The following ANK1 variants were observed in gnomAD, a reference collection of about 807,000 sequenced individuals.
The protein encoded by ANK1 is ankyrin-1.
Under a neutral mutation model 210.4 loss-of-function variants are expected in ANK1, and 51 were observed. That is an observed-to-expected ratio of 0.24 (90% CI 0.19 to 0.31). The LOEUF (loss-of-function observed/expected upper bound fraction) is 0.31, where lower values mean the gene tolerates loss of function less well. ANK1 is among the 10% of genes least tolerant of loss of function. The probability of loss-of-function intolerance (pLI) is 1.00; values close to 1 mark genes in which losing one functional copy is unlikely to be tolerated. For missense variants in ANK1, 2,051 were observed against 2,504.4 expected (o/e 0.82, Z 3.86); for synonymous variants, 967 against 1,025.9 (o/e 0.94, Z 1.10).
intron 1 of ANK1, among the ~76,000 whole-genome samples, chr8:41,814,733 T>A (rs1025199088): frequency 2.0e-5 from 3 of 151,850 alleles, no homozygotes; most frequent in Admixed American, 2.0e-4. Flanking sequence ...CTTATTTTTT[T>A]TTATTATTCA....
At chr8:41,661,275 A>G in intron 42 of ANK1, 155 bp downstream of exon 42, 1 of 1,150,294 alleles carries the variant, frequency 8.7e-7, no homozygotes. Flanking sequence ...AACTGTTAGC[A>G]GGGTTGGGAA....
At chr8:41,815,471 G>C (rs1242471515) in intron 1 of ANK1, among the ~76,000 whole-genome samples, 1 of 151,942 alleles carries the variant, frequency 6.6e-6, no homozygotes, top group Non-Finnish European at 1.5e-5. Flanking sequence ...TGACCCTATA[G>C]GATCCCTCTT....
chr8:41,681,098 C>T (rs1815840409), intron 37 of ANK1, among the ~76,000 whole-genome samples: 1 of 152,224 alleles, frequency 6.6e-6, no homozygotes, highest in Non-Finnish European at 1.5e-5. Context: ...TAATAATCGT[C>T]CTGCTAGCTT....
intron 10 of ANK1, among the ~76,000 whole-genome samples, chr8:41,718,626 T>C (rs1252239820): frequency 6.6e-6 from 1 of 152,218 alleles, no homozygotes; most frequent in Admixed American, 6.5e-5. Flanking sequence ...TGTGATATAC[T>C]CTGAATGTAA....
chr8:41,890,711 AAAAAAAAAAAAAAAG>A (rs1563973180), intron 1 of ANK1, among the ~76,000 whole-genome samples: 1 of 150,478 alleles, frequency 6.6e-6, no homozygotes, highest in Non-Finnish European at 1.5e-5. Context: ...TCCGTCTCAA[AAAAAAAAAAAAAAAG>A]AAAAAAGAAA....
rs6987261 is a variant in ANK1, at chr8:41,690,691, C to T, written c.3859-92G>A. 0.077 allele frequency: 117,470 copies of T among 1,535,100 alleles called. 10,999 individuals carry two copies. The highest frequency in any genetic ancestry group is 0.48 in the African/African-American group (34,887 of 73,220). On this transcript the variant is annotated intron_variant, in intron 31 of 42. Coordinates refer to ENST00000289734, the MANE Select transcript of ANK1 (RefSeq NM_000037.4). Reference sequence around the variant, plus strand: ...CTTCGGTCCTTCCCTCTCCAAGACACACCCTGCCTCAGCAAGAGGCATGCG... The same window carrying T: ...CTTCGGTCCTTCCCTCTCCAAGACATACCCTGCCTCAGCAAGAGGCATGCG...
At chr8:41,821,217 G>A (rs1313401122) in intron 1 of ANK1, among the ~76,000 whole-genome samples, 1 of 152,146 alleles carries the variant, frequency 6.6e-6, no homozygotes, top group Non-Finnish European at 1.5e-5. Flanking sequence ...AATCATGAGA[G>A]ACTTTGTCAA....
chr8:41,790,930 C>T (rs1398163076), intron 1 of ANK1, among the ~76,000 whole-genome samples: 1 of 152,126 alleles, frequency 6.6e-6, no homozygotes, highest in Non-Finnish European at 1.5e-5. Context: ...GCCATTGACT[C>T]CCTTTGGAGA....
At chr8:41,887,630 C>A (rs1470106657) in intron 1 of ANK1, among the ~76,000 whole-genome samples, 5 of 152,166 alleles carry the variant, frequency 3.3e-5, no homozygotes, top group Non-Finnish European at 7.4e-5. Context: ...ACACACATGA[C>A]AAAGATGACC....
At chr8:41,873,766 C>T (rs1816017166) in intron 1 of ANK1, among the ~76,000 whole-genome samples, 1 of 152,228 alleles carries the variant, frequency 6.6e-6, no homozygotes, top group African/African-American at 2.4e-5. Flanking sequence ...AGCACTGGAC[C>T]TCAGAGACCT....
At chr8:41,712,326 G>A (rs77716289) in intron 16 of ANK1, among the ~76,000 whole-genome samples, 6,190 of 152,292 alleles carry the variant, frequency 0.041, 412 homozygotes, top group African/African-American at 0.14. Context: ...GGGAAGCAGC[G>A]ATGTCCACAC....
Position 41,694,016 on chromosome 8 carries a change from G to A in ANK1, c.3414C>T (p.Arg1138=), listed in dbSNP as rs750405054. The change falls in exon 29 of 43, where the codon CGC becomes CGT. Residue 1138 remains arginine (R), a synonymous_variant. Transcript: ENST00000289734. This position sits in a 1 kb window ranked among gnomAD's most constrained non-coding sequence, Gnocchi z 5.7. ...GCCCAATGGGGCGGTGGAACTTCCG[G>A]CGCCGGGGCTCCACGGTGACAATGG... The part of the protein sequence containing the change: ...FSPIVTVEPR[R]RKFHRPIGLR... The A allele has an allele frequency of 6.2e-7, 1 of 1,614,074 alleles. No individual in the cohort carries two copies. The highest frequency in any genetic ancestry group is 1.1e-5 in the South Asian group (1 of 91,064).
intron 1 of ANK1, among the ~76,000 whole-genome samples, chr8:41,761,211 AC>A: frequency 6.6e-6 from 1 of 150,562 alleles, no homozygotes; most frequent in African/African-American, 2.4e-5. Context: ...AGATTCACAC[AC>A]ACACACACAG....
At chr8:41,800,797 C>A (rs1436028633), upstream of ANK1, among the ~76,000 whole-genome samples, 2 of 152,146 alleles carry the variant, frequency 1.3e-5, no homozygotes, top group Non-Finnish European at 2.9e-5. Context: ...GTGATCTCGG[C>A]TCTACCTCCC....
intron 37 of ANK1, among the ~76,000 whole-genome samples, chr8:41,682,907 C>T (rs1321429839): frequency 6.6e-6 from 1 of 152,230 alleles, no homozygotes; most frequent in Non-Finnish European, 1.5e-5. Context: ...CTCAACCGCC[C>T]TCAGCCCACT....
At chr8:41,822,102 GAGAGAGAGAGAGAAAGAA>G (rs1186320233) in intron 1 of ANK1, among the ~76,000 whole-genome samples, 443 of 37,874 alleles carry the variant, frequency 0.012, 10 homozygotes, top group African/African-American at 0.039. Context: ...GAGAGAGAGA[GAGAGAGAGAGAGAAAGAA>G]AGAGAAAGAA....
chr8:41,780,170 G>A (rs1433006443), intron 1 of ANK1, among the ~76,000 whole-genome samples: 2 of 152,150 alleles, frequency 1.3e-5, no homozygotes, highest in Non-Finnish European at 2.9e-5. Flanking sequence ...GATGCAACTG[G>A]CCAATCAGAC....
chr8:41,866,993 A>G (rs986897067), intron 1 of ANK1, among the ~76,000 whole-genome samples: 1 of 152,240 alleles, frequency 6.6e-6, no homozygotes, highest in East Asian at 1.9e-4. Flanking sequence ...TTGCTGGATC[A>G]TATGGTGATT....
At chr8:41,727,457 C>A in intron 4 of ANK1, 109 bp from the exon 5 acceptor site, 2 of 807,622 alleles carry the variant, frequency 2.5e-6, no homozygotes, top group Non-Finnish European at 4.2e-6. Flanking sequence ...ATTCCATTTC[C>A]TCCCACCTGA....
Sources: gnomAD v4.1 joint callset for allele counts (sites outside exome capture counted in the v4.1 genomes callset) on GRCh38, gnomAD v4.1.1 for gene constraint, Gnocchi (gnomAD v3.1) non-coding constraint, MANE v1.5 for transcripts, NCBI Gene and HGNC (gene_info 2026-07-23, HGNC 2026-07-21) for gene names.